ERGIC1: variants seen among roughly 807,000 people sequenced by gnomAD.
ERGIC1 encodes the protein endoplasmic reticulum-golgi intermediate compartment 1.
A neutral mutation model predicts 38.3 loss-of-function variants in ERGIC1; 19 were observed. The observed-to-expected ratio is 0.50, with a 90% confidence interval of 0.35 to 0.73. The LOEUF (loss-of-function observed/expected upper bound fraction) is 0.73. Ranked by LOEUF, ERGIC1 falls within the 30% of genes least tolerant of loss-of-function variation. The pLI is 0.01. For synonymous variants in ERGIC1, 124 were observed against 157.6 expected (o/e 0.79, Z 1.60); for missense variants, 294 against 389.2 (o/e 0.76, Z 2.06).
At chr5:172,855,322 CCT>C (rs1398757925) in intron 1 of ERGIC1, among the ~76,000 whole-genome samples, 2 of 152,186 alleles carry the variant, frequency 1.3e-5, no homozygotes, top group African/African-American at 4.8e-5. Flanking sequence ...ACGCCCCATA[CCT>C]CTCTGCTGGG....
intron 3 of ERGIC1, among the ~76,000 whole-genome samples, chr5:172,904,909 T>TGGCCAGAGCGCCTCA: frequency 6.6e-6 from 1 of 152,306 alleles, no homozygotes; most frequent in South Asian, 2.1e-4. Context: ...ATAACCAGCC[T>TGGCCAGAGCGCCTCA]GGCCAGAGCG....
At chr5:172,843,404 A>G (rs2113518923) in intron 1 of ERGIC1, among the ~76,000 whole-genome samples, 1 of 152,260 alleles carries the variant, frequency 6.6e-6, no homozygotes, top group South Asian at 2.1e-4. Context: ...GGCACCTCAC[A>G]TGGTGCTATC....
rs1403255421 is a variant in ERGIC1 at position 172,893,933 on chromosome 5, G to GTA, written c.83-3068_83-3067insAT. On this transcript the variant is annotated intron_variant, in intron 2 of 9. Transcript: ENST00000393784. ...TGTGTGTGTGTGTGTGTGTGTGTGT[G>GTA]TGTATATATATATATATATATTTAA... Among the ~76,000 whole-genome samples, 9 of 51,014 alleles carry GTA rather than the reference G, an allele frequency of 1.8e-4. No homozygotes were observed. In the East Asian group the frequency reaches 1.9e-3, roughly 11 times the overall value. The allele number at this position is 51,014 out of a possible 152,430, so 33.5% of individuals were successfully genotyped here. A position where few individuals can be genotyped will look rare whatever the true frequency, so the allele number is the denominator to read the frequency against.
At chr5:172,864,819 G>A (rs1216828962) in intron 1 of ERGIC1, among the ~76,000 whole-genome samples, 3 of 150,480 alleles carry the variant, frequency 2.0e-5, no homozygotes, top group East Asian at 2.0e-4. Flanking sequence ...TCCTAACCAC[G>A]TTTTGCGTAT....
chr5:172,937,688 A>C (rs1265819724), intron 9 of ERGIC1: 1 of 151,796 alleles, frequency 6.6e-6, no homozygotes, highest in Non-Finnish European at 1.5e-5. Context: ...AAAAATTAAA[A>C]GACCCAGTTG....
At chr5:172,916,367 C>T (rs1020507559) in intron 5 of ERGIC1, 4 of 152,220 alleles carry the variant, frequency 2.6e-5, no homozygotes, top group Non-Finnish European at 5.9e-5. Flanking sequence ...CATGAGCTGC[C>T]ACACAGCACC....
chr5:172,874,019 C>G (rs1762082485), intron 1 of ERGIC1, among the ~76,000 whole-genome samples: 1 of 152,238 alleles, frequency 6.6e-6, no homozygotes, highest in Non-Finnish European at 1.5e-5. Context: ...AAGCAGATTC[C>G]TGCCCTGCCC....
At chr5:172,935,139 C>G (rs944672324) in intron 8 of ERGIC1, 49 bp from the exon 9 acceptor site, 22 of 1,612,718 alleles carry the variant, frequency 1.4e-5, no homozygotes, top group African/African-American at 4.0e-5. Flanking sequence ...AGTCCCCGCC[C>G]CCCCTGAGAC....
At chr5:172,868,635 G>A (rs1483435865) in intron 1 of ERGIC1, among the ~76,000 whole-genome samples, 1 of 152,180 alleles carries the variant, frequency 6.6e-6, no homozygotes, top group African/African-American at 2.4e-5. Flanking sequence ...CGTGTCATTA[G>A]ACATTTGTCT....
chr5:172,877,301 A>T lies in ERGIC1; in HGVS notation c.21-11398A>T, dbSNP rs570844041. On this transcript the variant is annotated intron_variant, in intron 1 of 9. Coordinates refer to ENST00000393784, the MANE Select transcript of ERGIC1 (RefSeq NM_001031711.3). ...TCTTCTGACCCACTAACATGTCTATATTTCCACATTTACTTTTGCTTTCAT... is the reference window on the plus strand; with the variant it reads ...TCTTCTGACCCACTAACATGTCTATTTTTCCACATTTACTTTTGCTTTCAT... Among the ~76,000 whole-genome samples the T allele has an allele frequency of 6.8e-4, 103 of 152,006 alleles. 2 individuals carry two copies. The highest frequency in any genetic ancestry group is 1.1e-3 in the Non-Finnish European group (77 of 67,974).
intron 2 of ERGIC1, among the ~76,000 whole-genome samples, chr5:172,893,945 A>G (rs1379289519): frequency 7.6e-4 from 38 of 49,824 alleles, no homozygotes; most frequent in Non-Finnish European, 1.4e-3. Flanking sequence ...GTATATATAT[A>G]TATATATATT....
chr5:172,924,143 G>A (rs1474698494), intron 6 of ERGIC1, 34 bp downstream of exon 6: 1 of 1,603,696 alleles, frequency 6.2e-7, no homozygotes, highest in Non-Finnish European at 8.5e-7. Context: ...GCATGGCCGG[G>A]GGTGGGCCTT....
rs574827797 is a variant in ERGIC1 at position 172,942,591 on chromosome 5, C to T, written c.765+7281C>T. Among the ~76,000 whole-genome samples, 12 of 152,312 alleles carry T rather than the reference C, an allele frequency of 7.9e-5. No individual in the cohort carries two copies. The South Asian group carries it at 2.1e-3, about 26-fold the overall frequency. On this transcript the variant is annotated intron_variant, in intron 9 of 9. Transcript: ENST00000393784. Reference sequence around the variant, plus strand: ...GTTATTGGAGGGACAGAACAGAACCCATATTAGGAGCTTGGTGATTCAGGT... The same window carrying T: ...GTTATTGGAGGGACAGAACAGAACCTATATTAGGAGCTTGGTGATTCAGGT...
intron 3 of ERGIC1, chr5:172,905,474 GGTGA>G (rs1331718166): frequency 6.5e-6 from 3 of 464,906 alleles, no homozygotes; most frequent in Non-Finnish European, 1.3e-5. Flanking sequence ...TGGGCCATGC[GGTGA>G]GTGTTACAGC....
At position 172,913,610 on chromosome 5, in the gene ERGIC1, G is replaced by A. The variant is rs149717745; in HGVS notation, c.251-1104G>A. Among the ~76,000 whole-genome samples the A allele has an allele frequency of 4.0e-3, 604 of 152,218 alleles. 3 individuals are homozygous for A. The highest frequency in any genetic ancestry group is 0.014 in the African/African-American group (587 of 41,528). On this transcript the variant is annotated intron_variant, in intron 4 of 9. Coordinates refer to ENST00000393784, the MANE Select transcript of ERGIC1 (RefSeq NM_001031711.3). ...TCCCTCTTTAAAATTGCTTCCAGCT[G>A]TTCTTCCTCTGTATGGCACCTCCTT...
intron 1 of ERGIC1, among the ~76,000 whole-genome samples, chr5:172,866,441 T>C (rs1007322766): frequency 2.0e-5 from 3 of 152,190 alleles, no homozygotes; most frequent in Non-Finnish European, 4.4e-5. Context: ...GAGGCAGCCT[T>C]CAGAGGGATT....
At chr5:172,864,763 GC>G (rs761824395) in intron 1 of ERGIC1, among the ~76,000 whole-genome samples, 5 of 149,358 alleles carry the variant, frequency 3.3e-5, no homozygotes, top group Non-Finnish European at 5.9e-5. Flanking sequence ...TTTTTTTTGA[GC>G]ACCTATTATA....
At chr5:172,856,097 C>T (rs190503946) in intron 1 of ERGIC1, among the ~76,000 whole-genome samples, 60 of 152,246 alleles carry the variant, frequency 3.9e-4, no homozygotes, top group Admixed American at 3.0e-3. Context: ...GCAGGAGAGA[C>T]CCTGAAGCAC....
intron 5 of ERGIC1, among the ~76,000 whole-genome samples, chr5:172,922,742 C>T (rs1487750868): frequency 1.3e-5 from 2 of 152,196 alleles, no homozygotes; most frequent in African/African-American, 2.4e-5. Flanking sequence ...TGGGCCACCA[C>T]GAGGACATGG....
Sources: allele counts gnomAD v4.1 joint callset (sites outside exome capture counted in the v4.1 genomes callset), GRCh38; gene constraint gnomAD v4.1.1; transcripts MANE v1.5; gene names NCBI Gene and HGNC (gene_info 2026-07-23, HGNC 2026-07-21).